Variants in RGS3 observed in about 807,000 individuals in gnomAD.
RGS3 encodes regulator of G-protein signalling 3.
A neutral mutation model predicts 132.6 loss-of-function variants in RGS3; 80 were observed. That is an observed-to-expected ratio of 0.60 (90% confidence interval 0.50 to 0.73). The LOEUF (loss-of-function observed/expected upper bound fraction) is 0.73. Ranked by LOEUF, RGS3 falls within the 30% of genes least tolerant of loss-of-function variation. The pLI, the probability that RGS3 is intolerant of heterozygous loss-of-function variation, is 0.00. For synonymous variants in RGS3, 598 were observed against 620.6 expected (o/e 0.96, Z 0.54); for missense variants, 1,382 against 1,530.8 (o/e 0.90, Z 1.62).
intron 19 of RGS3, among the ~76,000 whole-genome samples, chr9:113,569,687 C>T (rs1834197700): frequency 6.8e-6 from 1 of 146,770 alleles, no homozygotes; most frequent in Non-Finnish European, 1.5e-5. Flanking sequence ...GTGCCATGTA[C>T]TTACAAATTA....
At chr9:113,513,340 G>A (rs1831491511) in intron 14 of RGS3, among the ~76,000 whole-genome samples, 1 of 152,136 alleles carries the variant, frequency 6.6e-6, no homozygotes, top group African/African-American at 2.4e-5. Context: ...TCCTGGGGGT[G>A]GTCTTGTTTC....
At position 113,506,875 on chromosome 9, in the gene RGS3, A is replaced by C. The variant is rs932731955; in HGVS notation, c.1085+382A>C. On this transcript the variant is annotated intron_variant, in intron 12 of 24. Transcript: ENST00000350696. This position sits in a 1 kb window ranked among gnomAD's most constrained non-coding sequence, Gnocchi z 4.7. Reference sequence around the variant, plus strand: ...AAAAAAATATTCTTGAAAACATTGGAGTCTCCCAAATTTTGATCCTCTAGG... The same window carrying C: ...AAAAAAATATTCTTGAAAACATTGGCGTCTCCCAAATTTTGATCCTCTAGG... Among the ~76,000 whole-genome samples the C allele has an allele frequency of 6.6e-6, 1 of 152,284 alleles. No homozygotes were observed. The highest frequency in any genetic ancestry group is 6.5e-5 in the Admixed American group (1 of 15,304).
At chr9:113,561,400 G>GTCTC (rs138650439) in intron 19 of RGS3, among the ~76,000 whole-genome samples, 2 of 142,006 alleles carry the variant, frequency 1.4e-5, no homozygotes, top group Non-Finnish European at 3.1e-5. Flanking sequence ...CCCTCTTTCT[G>GTCTC]TCTCTCTCTC....
chr9:113,485,719 G>C (rs1173571186), intron 7 of RGS3, 26 bp downstream of exon 5: 1 of 1,553,362 alleles, frequency 6.4e-7, no homozygotes, highest in East Asian at 2.3e-5. Context: ...GAGCTGGAGG[G>C]GGACTCTGCT....
intron 19 of RGS3, among the ~76,000 whole-genome samples, chr9:113,542,415 A>G (rs1216717520): frequency 6.6e-6 from 1 of 152,096 alleles, no homozygotes; most frequent in Non-Finnish European, 1.5e-5. Flanking sequence ...TTTTTACAAG[A>G]TCCGTTTACA....
At position 113,473,915 on chromosome 9, in the gene RGS3, C is replaced by T. The variant is rs141051460; in HGVS notation, c.416-5576C>T. On this transcript the variant is annotated intron_variant, in intron 3 of 24. Transcript: ENST00000350696. ...CTCTGGGTTGAGATGTGTGTGAATCCTGTAGGATGTTTGGATCTGAGCCCC... is the reference window on the plus strand; with the variant it reads ...CTCTGGGTTGAGATGTGTGTGAATCTTGTAGGATGTTTGGATCTGAGCCCC... Among the ~76,000 whole-genome samples the T allele has an allele frequency of 4.3e-3, 650 of 152,220 alleles. 4 individuals are homozygous for T. Among genetic ancestry groups the T allele is most frequent in the South Asian group, 0.012 (56 of 4,814 alleles).
exon 2 of RGS3, chr9:113,461,821 G>C (rs765123722): frequency 1.9e-6 from 3 of 1,614,076 alleles, no homozygotes; most frequent in Admixed American, 3.3e-5. Context: ...TCCCCTTTGG[G>C]AGGAGGCTCT....
Position 113,594,601 on chromosome 9 carries a change from GT to G in RGS3, c.3182+71del. 3.0e-6 allele frequency: 4 copies of G among 1,312,264 alleles called. No homozygotes were observed. The South Asian group carries it at 4.9e-5, about 16-fold the overall frequency. The allele number at this position is 1,312,264 out of a possible 1,614,324, so 81.3% of individuals were successfully genotyped here. A position where few individuals can be genotyped will look rare whatever the true frequency, so the allele number is the denominator to read the frequency against. ...GCTCCCCGGGGAGTAGGACTGAGTG[GT>G]AGGGTTGAGGGGAAGGGGCTTGCCG... On this transcript the variant is annotated intron_variant, in intron 22 of 24. Transcript: ENST00000350696.
chr9:113,584,442 G>C lies in RGS3; in HGVS notation c.3015+15G>C, dbSNP rs1240975803. ...GACACAGGAAGGTGAGAAAGCTAAA[G>C]GGGGAGGGAGAAGGATACATGCAAT... On this transcript the variant is annotated intron_variant, in intron 20 of 24. Transcript: ENST00000350696. 1.3e-6 allele frequency: 2 copies of C among 1,503,128 alleles called. No individual in the cohort carries two copies. Among genetic ancestry groups the C allele is most frequent in the African/African-American group, 2.8e-5 (2 of 71,722 alleles). The allele number at this position is 1,503,128 out of a possible 1,614,324, so 93.1% of individuals were successfully genotyped here. A position where few individuals can be genotyped will look rare whatever the true frequency, so the allele number is the denominator to read the frequency against.
At chr9:113,550,782 A>C (rs749845131) in intron 19 of RGS3, among the ~76,000 whole-genome samples, 39 of 152,214 alleles carry the variant, frequency 2.6e-4, no homozygotes, top group Admixed American at 5.2e-4. Context: ...TTTTGGGAAT[A>C]GCCTGTTCAA....
At chr9:113,457,327 C>T (rs1388430962), upstream of RGS3, among the ~76,000 whole-genome samples, 4 of 152,154 alleles carry the variant, frequency 2.6e-5, no homozygotes, top group Admixed American at 2.6e-4. Flanking sequence ...TCCTTGACCC[C>T]CTTTATCATC....
chr9:113,501,615 G>T (rs1439408140), intron 10 of RGS3: 1 of 1,562,726 alleles, frequency 6.4e-7, no homozygotes, highest in Non-Finnish European at 8.6e-7. Flanking sequence ...TGTGCTCGGA[G>T]CGCCGCTACC....
intron 19 of RGS3, among the ~76,000 whole-genome samples, chr9:113,567,149 G>A (rs1305448577): frequency 6.6e-6 from 1 of 152,184 alleles, no homozygotes; most frequent in Non-Finnish European, 1.5e-5. Context: ...TAAGTATGTG[G>A]TATCAGTGAA....
At chr9:113,568,652 C>G (rs884899) in intron 19 of RGS3, among the ~76,000 whole-genome samples, 55 of 152,232 alleles carry the variant, frequency 3.6e-4, no homozygotes, top group Admixed American at 1.9e-3. Context: ...CAGCCCAAGC[C>G]GAAGCTGGGA....
At chr9:113,484,230 C>T in exon 6 of RGS3, 1 of 1,477,694 alleles carries the variant, frequency 6.8e-7, no homozygotes, top group Non-Finnish European at 9.1e-7. Flanking sequence ...AGCACTTCTT[C>T]TTGTAAGAGT....
chr9:113,447,339 A>ATATATATATATATATGTGTG (rs1829133360), intron 1 of RGS3, among the ~76,000 whole-genome samples: 1 of 90,002 alleles, frequency 1.1e-5, no homozygotes, highest in Non-Finnish European at 2.3e-5. Context: ...GTATATATAT[A>ATATATATATATATATGTGTG]TATATATATA....
At chr9:113,590,620 C>G (rs950483574) in intron 20 of RGS3, among the ~76,000 whole-genome samples, 4 of 151,930 alleles carry the variant, frequency 2.6e-5, no homozygotes, top group African/African-American at 7.3e-5. Flanking sequence ...GGGAGACTCA[C>G]AAAAGCATCC....
intron 10 of RGS3, among the ~76,000 whole-genome samples, chr9:113,498,918 A>G (rs928449496): frequency 3.0e-5 from 4 of 131,664 alleles, no homozygotes; most frequent in Non-Finnish European, 6.4e-5. Context: ...CTCTGTCTCA[A>G]TTGAAAAAAA....
At chr9:113,569,135 G>T (rs954442258) in intron 19 of RGS3, among the ~76,000 whole-genome samples, 11 of 151,882 alleles carry the variant, frequency 7.2e-5, no homozygotes, top group African/African-American at 2.7e-4. Context: ...CCGGAGAACT[G>T]TCAGCGGCTC....
Sources: allele counts gnomAD v4.1 joint callset (sites outside exome capture counted in the v4.1 genomes callset), GRCh38; gene constraint gnomAD v4.1.1; non-coding constraint Gnocchi (gnomAD v3.1); transcripts MANE v1.5; gene names NCBI Gene and HGNC (gene_info 2026-07-23, HGNC 2026-07-21).